Variants in CDH18 observed in about 807,000 individuals in gnomAD.
The protein encoded by CDH18 is cadherin 18.
A neutral mutation model predicts 67.9 loss-of-function variants in CDH18; 31 were observed. The observed-to-expected ratio is 0.46, with a 90% CI of 0.34 to 0.62. The LOEUF is 0.62. Among genes scored for constraint, CDH18 ranks in the 20% least tolerant of loss-of-function variants. The pLI, the probability that CDH18 is intolerant of heterozygous loss-of-function variation, is 0.01. For synonymous variants in CDH18, 362 were observed against 347.2 expected, an observed-to-expected ratio of 1.04 and a Z score of -0.48; for missense variants, 890 against 975.5, an observed-to-expected ratio of 0.91 and a Z score of 1.17.
chr5:19,650,515 A>G (rs886839889), intron 5 of CDH18, among the ~76,000 whole-genome samples: 1 of 152,042 alleles, frequency 6.6e-6, no homozygotes, highest in Non-Finnish European at 1.5e-5. Context: ...TCCTCCCTAC[A>G]TTGTCTGAGC....
chr5:20,402,186 G>C (rs1745829190), intron 1 of CDH18, among the ~76,000 whole-genome samples: 1 of 152,064 alleles, frequency 6.6e-6, no homozygotes, highest in Non-Finnish European at 1.5e-5. Flanking sequence ...TACTCAGAAA[G>C]GATTTGGTAG....
intron 1 of CDH18, among the ~76,000 whole-genome samples, chr5:20,532,422 G>T (rs543940223): frequency 1.3e-4 from 20 of 151,990 alleles, no homozygotes; most frequent in South Asian, 1.0e-3. Flanking sequence ...AAAATAATTT[G>T]CCAGAAATAT....
chr5:20,392,877 T>A (rs1004990458), intron 1 of CDH18, among the ~76,000 whole-genome samples: 3 of 151,918 alleles, frequency 2.0e-5, no homozygotes, highest in African/African-American at 7.2e-5. Context: ...ACATTCCATT[T>A]ACAATAAAAT....
chr5:19,502,330 A>G (rs367608813), intron 11 of CDH18, among the ~76,000 whole-genome samples: 200 of 152,266 alleles, frequency 1.3e-3, no homozygotes, highest in African/African-American at 4.5e-3. Context: ...ATATGGCTTA[A>G]TGTTTCCCTA....
intron 2 of CDH18, among the ~76,000 whole-genome samples, chr5:20,169,512 A>G (rs985938658): frequency 8.5e-5 from 13 of 152,150 alleles, no homozygotes; most frequent in African/African-American, 3.1e-4. Flanking sequence ...GGCAATAATA[A>G]TGACCTTTTC....
intron 1 of CDH18, among the ~76,000 whole-genome samples, chr5:20,313,105 A>G (rs1208919558): frequency 6.6e-6 from 1 of 151,916 alleles, no homozygotes; most frequent in Non-Finnish European, 1.5e-5. Context: ...GTGTTGATAA[A>G]ACAATTCCCT....
intron 7 of CDH18, among the ~76,000 whole-genome samples, chr5:19,589,587 A>G (rs549430081): frequency 6.6e-6 from 1 of 152,134 alleles, no homozygotes; most frequent in Non-Finnish European, 1.5e-5. Flanking sequence ...GAATGCAGTG[A>G]TAAGTTAACA....
At chr5:20,155,002 T>C (rs1395162381) in intron 2 of CDH18, among the ~76,000 whole-genome samples, 1 of 152,184 alleles carries the variant, frequency 6.6e-6, no homozygotes, top group African/African-American at 2.4e-5. Context: ...TTTCTTCAGG[T>C]TTCTTTTCAA....
At chr5:20,361,931 T>C (rs1742119613) in intron 1 of CDH18, among the ~76,000 whole-genome samples, 1 of 152,086 alleles carries the variant, frequency 6.6e-6, no homozygotes, top group South Asian at 2.1e-4. Context: ...TCAGTAAACG[T>C]TTAGTATAAA....
chr5:20,272,667 A>C (rs931141073), intron 1 of CDH18, among the ~76,000 whole-genome samples: 12 of 152,062 alleles, frequency 7.9e-5, no homozygotes, highest in Non-Finnish European at 1.6e-4. Context: ...ATATTGACAT[A>C]ACATACTAAC....
At chr5:19,655,620 C>G (rs1477029229) in intron 5 of CDH18, among the ~76,000 whole-genome samples, 1 of 152,096 alleles carries the variant, frequency 6.6e-6, no homozygotes, top group Non-Finnish European at 1.5e-5. Context: ...TGCGTATCAT[C>G]TACATACAGG....
intron 7 of CDH18, among the ~76,000 whole-genome samples, chr5:19,586,400 C>A (rs75288051): frequency 2.6e-5 from 4 of 152,080 alleles, no homozygotes; most frequent in South Asian, 2.1e-4. Context: ...TGTTGTTAAC[C>A]CTATGTGTCC....
At chr5:20,214,686 C>A (rs1429804308) in intron 2 of CDH18, among the ~76,000 whole-genome samples, 2 of 151,862 alleles carry the variant, frequency 1.3e-5, no homozygotes, top group East Asian at 1.9e-4. Context: ...TATAAAAAAT[C>A]AACTCAAGAT....
At chr5:19,549,838 G>A (rs1737071208) in intron 8 of CDH18, among the ~76,000 whole-genome samples, 1 of 151,840 alleles carries the variant, frequency 6.6e-6, no homozygotes, top group South Asian at 2.1e-4. Flanking sequence ...GGGAGGGACA[G>A]GTAACTGATT....
chr5:20,312,507 T>G (rs1188140159), intron 1 of CDH18, among the ~76,000 whole-genome samples: 1 of 152,136 alleles, frequency 6.6e-6, no homozygotes, highest in Non-Finnish European at 1.5e-5. Context: ...GATGATTTGC[T>G]CAGCTGTTCA....
rs1295208599 is a variant in CDH18, at chr5:20,180,219, GA to G, written c.-518+75224del. Among the ~76,000 whole-genome samples, 3 of 152,060 alleles carry G rather than the reference GA, an allele frequency of 2.0e-5. No homozygotes were observed. In the East Asian group the frequency reaches 5.8e-4, roughly 30 times the overall value. On this transcript the variant is annotated intron_variant, in intron 2 of 14. Transcript: ENST00000507958. ...CTGGGAATGGAATGCCACCCTTGTG[GA>G]GAGCCTATGAATGGACTCATGGCGG... is the stretch of plus-strand genomic sequence containing the variant.
At position 19,542,507 on chromosome 5, in the gene CDH18, C is replaced by A. The variant is rs760819911; in HGVS notation, c.1390+1362G>T. On this transcript the variant is annotated intron_variant, in intron 9 of 12. Transcript: ENST00000382275. ...TTCCTATTAGGAAAAAAATGGAAAC[C>A]AGATTAATGTTTGTCAAGTAAAGAA... Among the ~76,000 whole-genome samples the A allele has an allele frequency of 4.0e-4, 61 of 151,852 alleles. 2 individuals carry two copies. Among genetic ancestry groups the A allele is most frequent in the Non-Finnish European group, 4.6e-4 (31 of 67,958 alleles).
At chr5:20,313,240 G>C (rs927850349) in intron 1 of CDH18, among the ~76,000 whole-genome samples, 6 of 152,028 alleles carry the variant, frequency 3.9e-5, no homozygotes, top group African/African-American at 1.4e-4. Context: ...TATTATATTT[G>C]TTGCTTCACT....
At chr5:20,038,719 A>G (rs112469271) in intron 2 of CDH18, among the ~76,000 whole-genome samples, 1 of 152,270 alleles carries the variant, frequency 6.6e-6, no homozygotes, top group African/African-American at 2.4e-5. Flanking sequence ...TATTTATGAC[A>G]AACCCACAGC....
Sources: gnomAD v4.1 joint callset for allele counts (sites outside exome capture counted in the v4.1 genomes callset) on GRCh38, gnomAD v4.1.1 for gene constraint, MANE v1.5 for transcripts, NCBI Gene and HGNC (gene_info 2026-07-23, HGNC 2026-07-21) for gene names.